RADX: variants seen among roughly 807,000 people sequenced by gnomAD.
RADX encodes the protein RPA1 related single stranded DNA binding protein, X-linked.
In RADX, 36 loss-of-function variants were observed where a neutral mutation model predicts 61.6. The observed-to-expected ratio is 0.58, with a 90% confidence interval of 0.45 to 0.77. RADX has a LOEUF of 0.77. RADX is among the 30% of genes least tolerant of loss of function. The pLI is 0.00. For missense variants in RADX, 497 were observed against 651.1 expected, an observed-to-expected ratio of 0.76 and a Z score of 2.58; for synonymous variants, 272 against 237.9, an observed-to-expected ratio of 1.14 and a Z score of -1.32.
intron 13 of RADX, among the ~76,000 whole-genome samples, chrX:106,677,154 T>C (rs752403505): frequency 8.9e-6 from 1 of 111,879 alleles, no homozygotes; most frequent in Non-Finnish European, 1.9e-5. Flanking sequence ...TTGAGGGAGC[T>C]ACTGTAAAGA....
chrX:106,638,039 G>C (rs765717660), intron 8 of RADX, 115 bp downstream of exon 8: 6 of 578,388 alleles, frequency 1.0e-5, no homozygotes, highest in Non-Finnish European at 1.7e-5. Context: ...CTAAAGTTTA[G>C]CAACATTCAC....
intron 12 of RADX, among the ~76,000 whole-genome samples, chrX:106,663,350 C>A (rs1255949355): frequency 9.0e-6 from 1 of 111,469 alleles, no homozygotes; most frequent in East Asian, 2.8e-4. Flanking sequence ...TCTGAATTCT[C>A]ACTGACTCCA....
At chrX:106,643,232 G>C (rs937796719) in intron 10 of RADX, among the ~76,000 whole-genome samples, 1 of 110,935 alleles carries the variant, frequency 9.0e-6, no homozygotes, top group South Asian at 3.8e-4. Context: ...GTTATTAATC[G>C]CTTGTCAGAT....
At chrX:106,646,688 G>A (rs376659609) in intron 10 of RADX, among the ~76,000 whole-genome samples, 1 of 110,691 alleles carries the variant, frequency 9.0e-6, no homozygotes, top group African/African-American at 3.3e-5. Flanking sequence ...AGGGGACATA[G>A]GATTGTTCCA....
rs144581178 is a variant in RADX, at chrX:106,662,144, C to T, written c.2108C>T (p.Pro703Leu). The T allele has an allele frequency of 1.6e-5, 19 of 1,208,617 alleles. No individual in the cohort carries two copies. The African/African-American group carries it at 3.3e-4, about 21-fold the overall frequency. ...IDHLHYSRVY[P>L]ESIPRKFMFE... ...CACCTACACTACAGCCGTGTTTATC[C>T]TGAAAGTATTCCACGGAAATTTATG... Residue 703 changes from proline to leucine, a missense_variant, in exon 12 of 14, where the codon CCT becomes CTT. Physicochemically the swap from Pro to Leu is moderately conservative, Grantham distance 98. Around this residue, in one of 3 missense-constraint regions of RADX, gnomAD observed 267 missense variants for 306.9 expected, o/e 0.87. Coordinates refer to ENST00000372548, the MANE Select transcript of RADX (RefSeq NM_018015.6).
At chrX:106,636,787 T>C (rs764030423) in intron 7 of RADX, 140 bp downstream of exon 7, 16 of 325,842 alleles carry the variant, frequency 4.9e-5, no homozygotes, top group African/African-American at 3.5e-4. Flanking sequence ...TAAGAGTGTT[T>C]TAGCAAAGAA....
rs957425163 is a variant in RADX, at chrX:106,636,619, T to A, written c.1380T>A (p.Thr460=). 3 of 1,182,291 alleles carry A rather than the reference T, an allele frequency of 2.5e-6. No homozygotes were observed. Among genetic ancestry groups the A allele is most frequent in the Non-Finnish European group, 3.4e-6 (3 of 870,292 alleles). Residue 460 remains threonine, a synonymous_variant, in exon 7 of 14, where the codon ACT becomes ACA. Transcript: ENST00000372548. Reference sequence around the variant, plus strand: ...TACCTAAGCTGCTTTACCTCACCACTACAAATGAGAGTGGAGTGTTTATTA... The same window carrying A: ...TACCTAAGCTGCTTTACCTCACCACAACAAATGAGAGTGGAGTGTTTATTA... ...NQVPKLLYLT[T]TNESGVFITG...
chrX:106,640,022 G>C, intron 9 of RADX: 1 of 123,111 alleles, frequency 8.1e-6, no homozygotes, highest in Non-Finnish European at 1.6e-5. Flanking sequence ...TTTGCATTCT[G>C]TGTAATTTGA....
At chrX:106,642,987 T>A (rs1927558586) in intron 10 of RADX, among the ~76,000 whole-genome samples, 1 of 111,217 alleles carries the variant, frequency 9.0e-6, no homozygotes, top group African/African-American at 3.3e-5. Flanking sequence ...TTTTGAGGGT[T>A]TTTTTCATGA....
rs766804072 is a variant in RADX, at chrX:106,630,886, A to C, written c.980-1739A>C. On this transcript the variant is annotated intron_variant, in intron 3 of 13. Transcript: ENST00000372548. ...GAGTTTACCTATATAACAAACCTGC[A>C]CATATGCCCCTGAACCTAAAATAAA... Among the ~76,000 whole-genome samples the C allele has an allele frequency of 1.2e-3, 134 of 111,966 alleles. 1 individual carries two copies. The Middle Eastern group carries it at 0.014, about 12-fold the overall frequency.
At chrX:106,668,886 T>C (rs1035522157) in intron 12 of RADX, among the ~76,000 whole-genome samples, 1 of 112,367 alleles carries the variant, frequency 8.9e-6, no homozygotes, top group Admixed American at 9.4e-5. Context: ...CATGCTGTCC[T>C]TTGGATAGTA....
intron 12 of RADX, among the ~76,000 whole-genome samples, chrX:106,666,328 A>C (rs766586526): frequency 1.7e-4 from 19 of 112,373 alleles, no homozygotes; most frequent in Middle Eastern, 9.1e-3. Context: ...CATTTGACTT[A>C]GATAATTAGG....
chrX:106,649,010 T>C (rs2147629664), intron 11 of RADX, among the ~76,000 whole-genome samples: 1 of 111,606 alleles, frequency 9.0e-6, no homozygotes, highest in Admixed American at 9.5e-5. Context: ...TAAATATGAC[T>C]TTTGTTGATT....
At chrX:106,674,821 C>T (rs1169135150) in intron 13 of RADX, among the ~76,000 whole-genome samples, 7 of 111,078 alleles carry the variant, frequency 6.3e-5, no homozygotes, top group African/African-American at 2.0e-4. Flanking sequence ...GTTAAGAGAT[C>T]GAGACCATCC....
chrX:106,653,750 T>G (rs978410931), intron 11 of RADX, among the ~76,000 whole-genome samples: 1 of 110,647 alleles, frequency 9.0e-6, no homozygotes, highest in Non-Finnish European at 1.9e-5. Flanking sequence ...TGTGTTCTCA[T>G]TGTTCAACTC....
intron 11 of RADX, among the ~76,000 whole-genome samples, chrX:106,658,964 A>ATT (rs71937728): frequency 1.2e-3 from 120 of 96,121 alleles, no homozygotes; most frequent in African/African-American, 4.5e-3. Flanking sequence ...ATCCCATTAC[A>ATT]TTTTTTTTTT....
intron 6 of RADX, among the ~76,000 whole-genome samples, chrX:106,633,984 T>C (rs1016489244): frequency 8.9e-6 from 1 of 111,770 alleles, no homozygotes; most frequent in Non-Finnish European, 1.9e-5. Flanking sequence ...AAAGCTATTG[T>C]AGTTAGGGGA....
At chrX:106,656,449 G>T (rs1219469036) in intron 11 of RADX, among the ~76,000 whole-genome samples, 1 of 112,165 alleles carries the variant, frequency 8.9e-6, no homozygotes. Flanking sequence ...ATCTAGAATG[G>T]TGAATCCTTT....
At chrX:106,649,106 AGATTT>A (rs1316645789) in intron 11 of RADX, among the ~76,000 whole-genome samples, 4 of 111,310 alleles carry the variant, frequency 3.6e-5, no homozygotes, top group Non-Finnish European at 7.6e-5. Context: ...CTTACCTATT[AGATTT>A]ATGTGGGTTA....
Sources: allele counts gnomAD v4.1 joint callset (sites outside exome capture counted in the v4.1 genomes callset), GRCh38; gene constraint gnomAD v4.1.1; regional missense constraint gnomAD v4.1.1; transcripts MANE v1.5; gene names NCBI Gene and HGNC (gene_info 2026-07-23, HGNC 2026-07-21).